Variants in RHOBTB2 observed in about 807,000 individuals in gnomAD.
RHOBTB2 encodes rho-related BTB domain-containing protein 2.
Under a neutral mutation model 66.5 loss-of-function variants are expected in RHOBTB2, and 39 were observed. The ratio of observed to expected loss-of-function variants is 0.59; its 90% CI spans 0.45 to 0.77. The LOEUF is 0.77. Ranked by LOEUF, RHOBTB2 falls within the 30% of genes least tolerant of loss-of-function variation. The pLI is 0.00. For synonymous variants in RHOBTB2, 390 were observed against 395.0 expected, an observed-to-expected ratio of 0.99 and a Z score of 0.15; for missense variants, 755 against 999.1, an observed-to-expected ratio of 0.76 and a Z score of 3.29.
At chr8:23,005,568 T>C (rs1810922895) in intron 3 of RHOBTB2, 93 bp downstream of exon 3, 1 of 896,418 alleles carries the variant, frequency 1.1e-6, no homozygotes, top group African/African-American at 1.7e-5. Context: ...AAATTTCAGC[T>C]GGCAAGAAGA....
At chr8:22,978,500 C>CA in the RHOBTB2 span, among the ~76,000 whole-genome samples, 1 of 139,788 alleles carries the variant, frequency 7.2e-6, no homozygotes, top group Non-Finnish European at 1.6e-5. Flanking sequence ...AAAAAAAAAA[C>CA]AAAAAAACAA....
At position 23,006,150 on chromosome 8, in the gene RHOBTB2, G is replaced by T. The variant is rs750005711; in HGVS notation, c.482+5G>T. On this transcript the variant is annotated splice_donor_5th_base_variant and intron_variant, in intron 4 of 9. Coordinates refer to ENST00000251822, the MANE Select transcript of RHOBTB2 (RefSeq NM_015178.3). The surrounding 1 kb of genome is among the most constrained non-coding windows in gnomAD (Gnocchi z 6.1). Reference sequence around the variant, plus strand: ...GGCTAGGCGACCCTTGGCTAGGTAGGAGGTGCTGGTACCAAGGAGACAGAC... The same window carrying T: ...GGCTAGGCGACCCTTGGCTAGGTAGTAGGTGCTGGTACCAAGGAGACAGAC... 3 of 1,609,852 alleles carry T rather than the reference G, an allele frequency of 1.9e-6. No homozygotes were observed. In the South Asian group the frequency reaches 3.3e-5, roughly 18 times the overall value.
the RHOBTB2 span, among the ~76,000 whole-genome samples, chr8:22,971,769 C>G: frequency 6.6e-6 from 1 of 152,258 alleles, no homozygotes; most frequent in East Asian, 1.9e-4. Context: ...GTGACTTTCC[C>G]TCAGGTTTTG....
chr8:22,977,400 C>A, the RHOBTB2 span, among the ~76,000 whole-genome samples: 1 of 151,546 alleles, frequency 6.6e-6, no homozygotes, highest in East Asian at 1.9e-4. Flanking sequence ...GGCAACATGG[C>A]AAAACCCCGT....
At chr8:22,985,484 AGT>A (rs1175200482), upstream of RHOBTB2, among the ~76,000 whole-genome samples, 3 of 152,290 alleles carry the variant, frequency 2.0e-5, no homozygotes, top group East Asian at 5.8e-4. Context: ...CCTTGAACAC[AGT>A]GTTTATAGAT....
chr8:22,957,526 G>A, the RHOBTB2 span, among the ~76,000 whole-genome samples: 1 of 152,142 alleles, frequency 6.6e-6, no homozygotes, highest in Non-Finnish European at 1.5e-5. Flanking sequence ...CAGGCACAAA[G>A]AAGCCACGCT....
At chr8:22,980,479 T>C in the RHOBTB2 span, among the ~76,000 whole-genome samples, 2 of 152,258 alleles carry the variant, frequency 1.3e-5, no homozygotes, top group African/African-American at 2.4e-5. Flanking sequence ...AATCATTTAC[T>C]AGTAAATTTA....
At chr8:22,968,689 T>C in the RHOBTB2 span, among the ~76,000 whole-genome samples, 17 of 152,064 alleles carry the variant, frequency 1.1e-4, no homozygotes, top group African/African-American at 3.9e-4. Context: ...GAAACAAAAT[T>C]GAAAGTCTAG....
chr8:22,961,177 T>A, the RHOBTB2 span, among the ~76,000 whole-genome samples: 1 of 152,144 alleles, frequency 6.6e-6, no homozygotes. Context: ...AATAAGATTA[T>A]GGGAGCGAGC....
At chr8:22,987,882 G>C (rs1810320580) in intron 1 of RHOBTB2, among the ~76,000 whole-genome samples, 2 of 152,162 alleles carry the variant, frequency 1.3e-5, no homozygotes, top group African/African-American at 4.8e-5. Context: ...AGTGTCACCA[G>C]TCGCCATGTG....
At chr8:22,975,308 G>T in the RHOBTB2 span, among the ~76,000 whole-genome samples, 1 of 152,176 alleles carries the variant, frequency 6.6e-6, no homozygotes, top group African/African-American at 2.4e-5. Flanking sequence ...GGGAGATCCT[G>T]AAGTTGCATT....
chr8:22,975,457 T>C, the RHOBTB2 span, among the ~76,000 whole-genome samples: 1 of 152,228 alleles, frequency 6.6e-6, no homozygotes, highest in Non-Finnish European at 1.5e-5. Flanking sequence ...GGTGAGGCCC[T>C]TGGGAGTTGG....
chr8:22,951,173 A>T, the RHOBTB2 span, among the ~76,000 whole-genome samples: 7 of 151,844 alleles, frequency 4.6e-5, no homozygotes, highest in African/African-American at 1.7e-4. Context: ...TAAGACAAAA[A>T]GGTTTAAAAA....
intron 2 of RHOBTB2, among the ~76,000 whole-genome samples, chr8:22,994,126 G>C (rs1322911164): frequency 6.6e-6 from 1 of 152,172 alleles, no homozygotes; most frequent in African/African-American, 2.4e-5. Context: ...GAGGATATCA[G>C]GGCCAGAATG....
In RHOBTB2 at chr8:23,007,541, C is replaced by T; in HGVS notation, c.1296C>T (p.Tyr432=). ...QPGPFRAVLK[Y]LYTGELDENE... ...GGCCCTTCCGGGCTGTCCTCAAGTA[C>T]CTGTACACGGGGGAGCTAGATGAGA... Residue 432 remains tyrosine, a synonymous_variant, in exon 5 of 10, where the codon TAC becomes TAT. Coordinates refer to ENST00000251822, the MANE Select transcript of RHOBTB2 (RefSeq NM_015178.3). The T allele has an allele frequency of 6.2e-7, 1 of 1,614,188 alleles. No homozygotes were observed. The highest frequency in any genetic ancestry group is 8.5e-7 in the Non-Finnish European group (1 of 1,180,028).
At chr8:22,983,966 C>T (rs2128793940), upstream of RHOBTB2, among the ~76,000 whole-genome samples, 1 of 152,230 alleles carries the variant, frequency 6.6e-6, no homozygotes, top group South Asian at 2.1e-4. Context: ...GATCTCTTGA[C>T]CTTGTGATCC....
chr8:22,995,930 A>T (rs748628837), upstream of RHOBTB2: 1 of 1,535,696 alleles, frequency 6.5e-7, no homozygotes, highest in South Asian at 1.2e-5. Flanking sequence ...TGTGAAGCAA[A>T]GGGAAGGTGC....
In RHOBTB2 at chr8:23,017,730, G is replaced by A. The variant is rs1386197213; in HGVS notation, c.*261G>A. ...ACTGCTTGGAGGAGCGAAGAGCCCT[G>A]GCATTTTATCTCTGGGTTTGAGAGC... On this transcript the variant is annotated 3_prime_UTR_variant, in exon 10 of 10. Coordinates refer to ENST00000251822, the MANE Select transcript of RHOBTB2 (RefSeq NM_015178.3). This position sits in a 1 kb window ranked among gnomAD's most constrained non-coding sequence, Gnocchi z 5.3. The A allele has an allele frequency of 1.9e-6, 1 of 515,738 alleles. No individual in the cohort carries two copies. The highest frequency in any genetic ancestry group is 3.5e-6 in the Non-Finnish European group (1 of 288,876). 31.9% of individuals were successfully genotyped at this position (515,738 alleles called of 1,614,324 possible).
At chr8:22,964,189 C>T in the RHOBTB2 span, among the ~76,000 whole-genome samples, 10 of 152,034 alleles carry the variant, frequency 6.6e-5, no homozygotes, top group East Asian at 1.9e-4. Flanking sequence ...AGGAAAGACC[C>T]GCCACCATAA....
Sources: allele counts gnomAD v4.1 joint callset (sites outside exome capture counted in the v4.1 genomes callset), GRCh38; gene constraint gnomAD v4.1.1; non-coding constraint Gnocchi (gnomAD v3.1); transcripts MANE v1.5; gene names NCBI Gene and HGNC (gene_info 2026-07-23, HGNC 2026-07-21).